ABCF1: variants seen among roughly 807,000 people sequenced by gnomAD.
ABCF1 encodes ATP-binding cassette sub-family F member 1.
A neutral mutation model predicts 126.3 loss-of-function variants in ABCF1; 73 were observed. The ratio of observed to expected loss-of-function variants is 0.58; its 90% CI spans 0.48 to 0.70. The LOEUF is 0.70. Among genes scored for constraint, ABCF1 ranks in the 30% least tolerant of loss-of-function variants. The pLI is 0.00. For synonymous variants in ABCF1, 345 were observed against 396.4 expected (o/e 0.87, Z 1.54); for missense variants, 786 against 1,057.5 (o/e 0.74, Z 3.56).
In ABCF1 at chr6:30,585,994, G is replaced by A. The variant is rs772411014; in HGVS notation, c.1713+3G>A. The A allele has an allele frequency of 6.2e-7, 1 of 1,606,828 alleles. No individual in the cohort carries two copies. The highest frequency in any genetic ancestry group is 1.1e-5 in the South Asian group (1 of 90,242). On this transcript the variant is annotated splice_donor_region_variant and intron_variant, in intron 17 of 24. Transcript: ENST00000326195. ...GCGGGAAGTCCACCAAGCAGGCGGT[G>A]AGCACCTGAGGGACTTCTGGGCTGG...
At position 30,580,438 on chromosome 6, in the gene ABCF1, A is replaced by G; in HGVS notation, c.597A>G (p.Glu199=). Residue 199 remains glutamate, a synonymous_variant, in exon 8 of 25, where the codon GAA becomes GAG. Transcript: ENST00000326195. ...ATAAATTCGCTGCTCTGGACAATGA[A>G]GAGGAGGATAAAGAAGAAGAAATTA... ...PQNKFAALDN[E]EEDKEEEIIK... 6.5e-7 allele frequency: 1 copy of G among 1,541,416 alleles called. No individual in the cohort carries two copies. Among genetic ancestry groups the G allele is most frequent in the Admixed American group, 2.4e-5 (1 of 41,446 alleles).
intron 1 of ABCF1, among the ~76,000 whole-genome samples, chr6:30,575,369 A>AT (rs9278733): frequency 8.0e-5 from 12 of 149,216 alleles, no homozygotes; most frequent in Non-Finnish European, 1.5e-4. Context: ...CACCCGACCA[A>AT]TTTTTTTTTT....
At chr6:30,576,075 T>TA (rs35364261) in intron 1 of ABCF1, among the ~76,000 whole-genome samples, 19,783 of 120,656 alleles carry the variant, frequency 0.16, 1,712 homozygotes, top group Non-Finnish European at 0.19. Flanking sequence ...CCCTGTCTCT[T>TA]AAAAAAAAAA....
Position 30,590,764 on chromosome 6 carries a change from T to C in ABCF1, c.*63T>C. On this transcript the variant is annotated 3_prime_UTR_variant, in exon 25 of 25. Coordinates refer to ENST00000326195, the MANE Select transcript of ABCF1 (RefSeq NM_001025091.2). ...TGTGGCCTAGAAGTCCTCTGTGGTC[T>C]CCCCTCCTCTGAAGACTGCCTCTGG... is the stretch of plus-strand genomic sequence containing the variant. 1.7e-5 allele frequency: 26 copies of C among 1,518,234 alleles called. No homozygotes were observed. Among genetic ancestry groups the C allele is most frequent in the Non-Finnish European group, 2.2e-5 (25 of 1,131,024 alleles). 94.0% of individuals were successfully genotyped at this position (1,518,234 alleles called of 1,614,324 possible).
chr6:30,582,932 A>G (rs1254775590), intron 9 of ABCF1, 134 bp from the exon 10 acceptor site: 1 of 1,193,796 alleles, frequency 8.4e-7, no homozygotes, highest in Non-Finnish European at 1.2e-6. Context: ...AGCTCAAGAG[A>G]TCCACCTACC....
Position 30,580,409 on chromosome 6 carries a change from C to T in ABCF1, c.568C>T (p.Gln190Ter). The part of the protein sequence containing the change: ...EEKSKGKAKP[Q>*]NKFAALDNEE... Reference sequence around the variant, plus strand: ...AGACCTGTCTTTTCCCTATTAGCCTCAAAATAAATTCGCTGCTCTGGACAA... The same window carrying T: ...AGACCTGTCTTTTCCCTATTAGCCTTAAAATAAATTCGCTGCTCTGGACAA... Residue 190 changes from glutamine to a stop codon, truncating the protein, a stop_gained, in exon 8 of 25, where the codon CAA becomes TAA. Coordinates refer to ENST00000326195, the MANE Select transcript of ABCF1 (RefSeq NM_001025091.2). LOFTEE classifies it high-confidence loss of function. 6.6e-7 allele frequency: 1 copy of T among 1,509,338 alleles called. No individual in the cohort carries two copies. The highest frequency in any genetic ancestry group is 8.8e-7 in the Non-Finnish European group (1 of 1,131,706). 93.5% of individuals were successfully genotyped at this position (1,509,338 alleles called of 1,614,324 possible). A position where few individuals can be genotyped will look rare whatever the true frequency, so the allele number is the denominator to read the frequency against.
chr6:30,573,433 T>C (rs1801353689), intron 1 of ABCF1, among the ~76,000 whole-genome samples: 1 of 152,212 alleles, frequency 6.6e-6, no homozygotes, highest in Non-Finnish European at 1.5e-5. Context: ...GAGACAACTA[T>C]ACTAGGAGTA....
At chr6:30,577,598 C>G in intron 2 of ABCF1, 143 bp downstream of exon 2, 1 of 1,118,332 alleles carries the variant, frequency 8.9e-7, no homozygotes, top group Non-Finnish European at 1.3e-6. Flanking sequence ...GTGGCTTACA[C>G]CTGTAATCCC....
In ABCF1 at chr6:30,586,467, C is replaced by G; in HGVS notation, c.1886-7C>G. The stretch of plus-strand genomic sequence containing the variant: ...GAATATAAATTGCTTCTTTTCGTGG[C>G]TTTCAGGTGTGACATTCGGCTACCA... On this transcript the variant is annotated splice_polypyrimidine_tract_variant and splice_region_variant and intron_variant, in intron 18 of 24. Coordinates refer to ENST00000326195, the MANE Select transcript of ABCF1 (RefSeq NM_001025091.2). The surrounding 1 kb of genome is among the most constrained non-coding windows in gnomAD (Gnocchi z 4.9). The G allele has an allele frequency of 6.2e-7, 1 of 1,613,736 alleles. No homozygotes were observed.
chr6:30,577,161 T>C (rs1801541529), intron 1 of ABCF1, among the ~76,000 whole-genome samples: 2 of 152,232 alleles, frequency 1.3e-5, no homozygotes, highest in African/African-American at 4.8e-5. Context: ...TGTTCATTGC[T>C]ATGATCCCCT....
rs377713476 is a variant in ABCF1 at position 30,586,632 on chromosome 6, A to G, written c.1961-9A>G. On this transcript the variant is annotated splice_polypyrimidine_tract_variant and intron_variant, in intron 19 of 24. Transcript: ENST00000326195. The surrounding 1 kb of genome is among the most constrained non-coding windows in gnomAD (Gnocchi z 4.9). Reference sequence around the variant, plus strand: ...GGACCTCTTTGACCACCTGTCTTCCATCTTGCAGTTTGCATTGTGGGCCCT... The same window carrying G: ...GGACCTCTTTGACCACCTGTCTTCCGTCTTGCAGTTTGCATTGTGGGCCCT... The G allele has an allele frequency of 7.8e-5, 126 of 1,613,614 alleles. No homozygotes were observed. The African/African-American group carries it at 1.3e-3, about 17-fold the overall frequency.
At chr6:30,575,012 G>A (rs1401330125) in intron 1 of ABCF1, among the ~76,000 whole-genome samples, 1 of 151,778 alleles carries the variant, frequency 6.6e-6, no homozygotes, top group Non-Finnish European at 1.5e-5. Flanking sequence ...TGAAATACAT[G>A]GAATTCTAGT....
At chr6:30,576,800 C>T (rs532984387) in intron 1 of ABCF1, among the ~76,000 whole-genome samples, 2 of 152,284 alleles carry the variant, frequency 1.3e-5, no homozygotes, top group African/African-American at 4.8e-5. Flanking sequence ...AACCTTGCTA[C>T]AAGGCCCTCA....
Position 30,583,215 on chromosome 6 carries a change from T to C in ABCF1, c.915+27T>C, listed in dbSNP as rs752979660. The C allele has an allele frequency of 8.2e-6, 13 of 1,586,936 alleles. No individual in the cohort carries two copies. Among genetic ancestry groups the C allele is most frequent in the Non-Finnish European group, 1.1e-5 (13 of 1,160,394 alleles). On this transcript the variant is annotated intron_variant, in intron 10 of 24. Coordinates refer to ENST00000326195, the MANE Select transcript of ABCF1 (RefSeq NM_001025091.2). This position sits in a 1 kb window ranked among gnomAD's most constrained non-coding sequence, Gnocchi z 4.1. ...TAAGGTCTCAAGGGGCCCCTTCCAG[T>C]CCACTTACCTAGGGAAGAGCCAGTT...
chr6:30,573,877 G>A (rs1347837995), intron 1 of ABCF1, among the ~76,000 whole-genome samples: 3 of 152,158 alleles, frequency 2.0e-5, no homozygotes, highest in African/African-American at 4.8e-5. Flanking sequence ...TGTGAATTAC[G>A]ATTTTGAGAC....
At position 30,590,060 on chromosome 6, in the gene ABCF1, G is replaced by A. The variant is rs556320630; in HGVS notation, c.2233+86G>A. The A allele has an allele frequency of 4.4e-6, 7 of 1,605,314 alleles. No individual in the cohort carries two copies. The Admixed American group carries it at 8.4e-5, about 19-fold the overall frequency. ...ACCTAGAGGAACCGAGAATGAGGGAGCCTCAGCTCACAAACTGGCACATCT... is the reference window on the plus strand; with the variant it reads ...ACCTAGAGGAACCGAGAATGAGGGAACCTCAGCTCACAAACTGGCACATCT... On this transcript the variant is annotated intron_variant, in intron 22 of 24. Transcript: ENST00000326195.
At chr6:30,589,610 A>C in intron 20 of ABCF1, 78 bp from the exon 21 acceptor site, 2 of 1,540,260 alleles carry the variant, frequency 1.3e-6, no homozygotes, top group Non-Finnish European at 1.8e-6. Context: ...CTCAAAAAAA[A>C]AAAAAAAAAG....
At chr6:30,589,741 A>G (rs747666438) in intron 21 of ABCF1, 21 bp downstream of exon 21, 4 of 1,614,192 alleles carry the variant, frequency 2.5e-6, no homozygotes, top group Admixed American at 3.3e-5. Flanking sequence ...ATTGGGATTT[A>G]GGGAATGATA....
Position 30,577,362 on chromosome 6 carries a change from T to C in ABCF1, c.74-47T>C, listed in dbSNP as rs758721402. 6.9e-6 allele frequency: 11 copies of C among 1,604,180 alleles called. No homozygotes were observed. The African/African-American group carries it at 1.3e-4, about 20-fold the overall frequency. ...ATCTTTGCAGGGGGGATCAGACTGC[T>C]TTGGAATTTGCAGATAAGCATTCAC... is the stretch of plus-strand genomic sequence containing the variant. On this transcript the variant is annotated intron_variant, in intron 1 of 24. Coordinates refer to ENST00000326195, the MANE Select transcript of ABCF1 (RefSeq NM_001025091.2).
Sources: gnomAD v4.1 joint callset for allele counts (sites outside exome capture counted in the v4.1 genomes callset) on GRCh38, gnomAD v4.1.1 for gene constraint, Gnocchi (gnomAD v3.1) non-coding constraint, MANE v1.5 for transcripts, NCBI Gene and HGNC (gene_info 2026-07-23, HGNC 2026-07-21) for gene names.